Variants in FYN observed in about 807,000 individuals in gnomAD.
The protein encoded by FYN is FYN proto-oncogene, Src family tyrosine kinase, also known as tyrosine-protein kinase Fyn.
Under a neutral mutation model 70.2 loss-of-function variants are expected in FYN, and 10 were observed. The ratio of observed to expected loss-of-function variants is 0.14; its 90% CI spans 0.09 to 0.24. The LOEUF (loss-of-function observed/expected upper bound fraction) is 0.24, where lower values mean the gene tolerates loss of function less well. FYN is among the 10% of genes least tolerant of loss of function. FYN has a pLI of 1.00. For synonymous variants in FYN, 236 were observed against 248.6 expected (o/e 0.95, Z 0.48); for missense variants, 319 against 673.1 (o/e 0.47, Z 5.82).
intron 12 of FYN, among the ~76,000 whole-genome samples, chr6:111,691,198 C>T (rs916372453): frequency 3.2e-4 from 48 of 152,284 alleles, no homozygotes; most frequent in African/African-American, 1.1e-3. Context: ...TCCTGGGTAG[C>T]TGGGATGGTG....
At chr6:111,778,237 T>G (rs1273460094) in intron 3 of FYN, among the ~76,000 whole-genome samples, 1 of 152,124 alleles carries the variant, frequency 6.6e-6, no homozygotes, top group Non-Finnish European at 1.5e-5. Context: ...CGGGAGATGG[T>G]AAATTCACCC....
chr6:111,804,666 G>C (rs1272943562), intron 2 of FYN, among the ~76,000 whole-genome samples: 1 of 152,106 alleles, frequency 6.6e-6, no homozygotes, highest in Non-Finnish European at 1.5e-5. Context: ...TGGTAACAAG[G>C]GGATACTTAG....
chr6:111,771,264 AAG>A (rs1220405781), intron 3 of FYN, among the ~76,000 whole-genome samples: 1 of 152,172 alleles, frequency 6.6e-6, no homozygotes, highest in African/African-American at 2.4e-5. Flanking sequence ...ACAAAGAACA[AAG>A]AGTGCAAGAT....
At chr6:111,794,290 T>A (rs973575954) in intron 2 of FYN, among the ~76,000 whole-genome samples, 3 of 152,228 alleles carry the variant, frequency 2.0e-5, no homozygotes, top group African/African-American at 7.2e-5. Context: ...TTTAAGAAGG[T>A]CCCCCATCCC....
At chr6:111,870,705 G>A (rs969794731) in intron 1 of FYN, among the ~76,000 whole-genome samples, 4 of 152,206 alleles carry the variant, frequency 2.6e-5, no homozygotes, top group South Asian at 2.1e-4. Flanking sequence ...GATGGAAACG[G>A]CTTCACAGAG....
chr6:111,795,424 G>A (rs909805945), intron 2 of FYN, among the ~76,000 whole-genome samples: 1 of 152,216 alleles, frequency 6.6e-6, no homozygotes. Flanking sequence ...TTCCAGAGCT[G>A]TGAGGGAATG....
chr6:111,671,018 C>T (rs1219990287), intron 13 of FYN, among the ~76,000 whole-genome samples: 1 of 152,214 alleles, frequency 6.6e-6, no homozygotes, highest in Non-Finnish European at 1.5e-5. Context: ...GACTGCAATG[C>T]AGAGAATGCG....
At chr6:111,870,283 A>G (rs1427798502) in intron 1 of FYN, among the ~76,000 whole-genome samples, 1 of 152,168 alleles carries the variant, frequency 6.6e-6, no homozygotes, top group Non-Finnish European at 1.5e-5. Flanking sequence ...TTACGATGAT[A>G]AGCTATGGGA....
intron 2 of FYN, among the ~76,000 whole-genome samples, chr6:111,803,428 T>C (rs781575035): frequency 4.2e-4 from 64 of 152,234 alleles, no homozygotes; most frequent in Non-Finnish European, 1.6e-4. Flanking sequence ...GGTTTTCTTA[T>C]TCCTAAACTA....
intron 3 of FYN, among the ~76,000 whole-genome samples, chr6:111,773,167 A>AGAGGCT (rs1446574338): frequency 6.6e-6 from 1 of 150,844 alleles, no homozygotes; most frequent in African/African-American, 2.4e-5. Context: ...GAATTTAGGC[A>AGAGGCT]GAGGACATAA....
intron 8 of FYN, among the ~76,000 whole-genome samples, chr6:111,701,745 G>A (rs1799847830): frequency 6.6e-6 from 1 of 152,084 alleles, no homozygotes; most frequent in South Asian, 2.1e-4. Flanking sequence ...CAACATGCAG[G>A]CATTTTGAGT....
intron 3 of FYN, among the ~76,000 whole-genome samples, chr6:111,730,689 C>G (rs1384226619): frequency 1.3e-5 from 2 of 152,096 alleles, no homozygotes; most frequent in Non-Finnish European, 2.9e-5. Context: ...TGGGGCAATC[C>G]AAGCAGGGCA....
intron 2 of FYN, among the ~76,000 whole-genome samples, chr6:111,802,184 G>C (rs1772007618): frequency 6.6e-6 from 1 of 152,128 alleles, no homozygotes; most frequent in East Asian, 1.9e-4. Context: ...TCATGATAGT[G>C]AGTTCTCATG....
rs188761279 is a variant in FYN, at chr6:111,737,320, C to T, written c.-11-17258G>A. ...TTGAGGGCTTAGTTTCACAAAACTG[C>T]TCCCCACTTAAGACATGAGTCACAG... On this transcript the variant is annotated intron_variant, in intron 3 of 13. Coordinates refer to ENST00000354650, the MANE Select transcript of FYN (RefSeq NM_002037.5). 6.6e-4 allele frequency among the ~76,000 whole-genome samples: 100 copies of T among 152,276 alleles called. 1 individual carries two copies. The highest frequency in any genetic ancestry group is 2.4e-3 in the African/African-American group (98 of 41,554).
At chr6:111,808,130 C>CA (rs944204030) in intron 2 of FYN, among the ~76,000 whole-genome samples, 79 of 151,862 alleles carry the variant, frequency 5.2e-4, no homozygotes, top group African/African-American at 1.8e-3. Context: ...AAACAAAAAA[C>CA]AAAAAAAACC....
chr6:111,708,298 T>A, intron 5 of FYN: 1 of 376,174 alleles, frequency 2.7e-6, no homozygotes, highest in Non-Finnish European at 5.0e-6. Context: ...GTAGGGGGCA[T>A]TTTGCTTGGT....
rs899882519 is a variant in FYN, at chr6:111,669,406, G to A, written c.1405+5093C>T. Among the ~76,000 whole-genome samples, 8 of 138,148 alleles carry A rather than the reference G, an allele frequency of 5.8e-5. No homozygotes were observed. The South Asian group carries it at 1.1e-3, about 20-fold the overall frequency. 90.6% of individuals were successfully genotyped at this position (138,148 alleles called of 152,430 possible). A position where few individuals can be genotyped will look rare whatever the true frequency, so the allele number is the denominator to read the frequency against. On this transcript the variant is annotated intron_variant, in intron 13 of 13. Transcript: ENST00000354650. ...ACCGAGATCATGCCACTGCATTCCC[G>A]TCTGGCTGACAGAGCAAGATTCCAT...
At chr6:111,739,589 G>A (rs1291767261) in intron 3 of FYN, among the ~76,000 whole-genome samples, 2 of 152,128 alleles carry the variant, frequency 1.3e-5, no homozygotes, top group Non-Finnish European at 2.9e-5. Flanking sequence ...TTCTTATAAT[G>A]GTTTCAGTTC....
chr6:111,853,856 T>C (rs1381489890), intron 1 of FYN, among the ~76,000 whole-genome samples: 2 of 152,198 alleles, frequency 1.3e-5, no homozygotes, highest in Non-Finnish European at 2.9e-5. Flanking sequence ...TGCCTTGAAG[T>C]GATCCTCCTG....
Sources: allele counts gnomAD v4.1 joint callset (sites outside exome capture counted in the v4.1 genomes callset), GRCh38; gene constraint gnomAD v4.1.1; transcripts MANE v1.5; gene names NCBI Gene and HGNC (gene_info 2026-07-23, HGNC 2026-07-21).